Variants in MGST1 observed in about 807,000 individuals in gnomAD.
MGST1 encodes microsomal glutathione S-transferase 1.
In MGST1, 5 loss-of-function variants were observed where a neutral mutation model predicts 8.9. The observed-to-expected ratio is 0.56, with a 90% CI of 0.29 to 1.19. MGST1 has a LOEUF of 1.19. Ranked by LOEUF, MGST1 falls within the 50% of genes most tolerant of loss-of-function variation. The pLI, the probability that MGST1 is intolerant of heterozygous loss-of-function variation, is 0.08. For synonymous variants in MGST1, 54 were observed against 67.8 expected (o/e 0.80, Z 1.00); for missense variants, 182 against 187.4 (o/e 0.97, Z 0.17).
At chr12:16,514,338 C>T (rs923766188) in intron 4 of MGST1, 8 of 300,630 alleles carry the variant, frequency 2.7e-5, no homozygotes, top group Middle Eastern at 7.0e-4. Context: ...CCAACCCTCC[C>T]CTCAATGGGA....
At chr12:16,563,943 A>G (rs148835695) in intron 4 of MGST1, among the ~76,000 whole-genome samples, 3 of 152,258 alleles carry the variant, frequency 2.0e-5, no homozygotes, top group Non-Finnish European at 4.4e-5. Flanking sequence ...ATTTTTCCCT[A>G]TCATTTATGT....
intron 1 of MGST1, among the ~76,000 whole-genome samples, chr12:16,405,759 T>C (rs548198207): frequency 1.3e-5 from 2 of 152,100 alleles, no homozygotes; most frequent in Non-Finnish European, 1.5e-5. Flanking sequence ...TGGTCCAACA[T>C]ACACAAATCA....
At chr12:16,434,859 C>T (rs1053420559) in intron 1 of MGST1, among the ~76,000 whole-genome samples, 1 of 151,874 alleles carries the variant, frequency 6.6e-6, no homozygotes, top group Non-Finnish European at 1.5e-5. Context: ...GCCAAGATCA[C>T]ATTTGATATT....
rs1941517853 is a variant in MGST1, at chr12:16,503,292, A to AT, written n.483-86229dup. ...AAGACAGAACGGGTGGTCAAATAGC[A>AT]TTTTTTTCTACTTTTTCCCTCATTC... On this transcript the variant is annotated intron_variant and non_coding_transcript_variant, in intron 4 of 4. Transcript: ENST00000538857. The surrounding 1 kb of genome is among the most constrained non-coding windows in gnomAD (Gnocchi z 4.8). Among the ~76,000 whole-genome samples, 3 of 151,856 alleles carry AT rather than the reference A, an allele frequency of 2.0e-5. No individual in the cohort carries two copies. In the South Asian group the frequency reaches 6.2e-4, roughly 32 times the overall value.
chr12:16,592,691 G>T (rs1478078865), downstream of MGST1, among the ~76,000 whole-genome samples: 2 of 151,662 alleles, frequency 1.3e-5, no homozygotes, highest in African/African-American at 4.8e-5. Flanking sequence ...AAAAATAAGT[G>T]GTATGCTTAA....
rs562855815 is a variant in MGST1 at position 16,410,145 on chromosome 12, G to A, written n.778+26541G>A. On this transcript the variant is annotated intron_variant and non_coding_transcript_variant, in intron 1 of 1. Transcript: ENST00000359720. The surrounding 1 kb of genome is among the most constrained non-coding windows in gnomAD (Gnocchi z 4.4). The stretch of plus-strand genomic sequence containing the variant: ...TTTAAGTTTGTCAGGTTCAGCAAAT[G>A]TCACAGGGTCAAAGTGGTTATAGTG... 6.6e-6 allele frequency among the ~76,000 whole-genome samples: 1 copy of A among 152,214 alleles called. No individual in the cohort carries two copies. Among genetic ancestry groups the A allele is most frequent in the African/African-American group, 2.4e-5 (1 of 41,538 alleles).
chr12:16,402,388 A>T (rs909717751), intron 1 of MGST1: 2 of 1,604,640 alleles, frequency 1.2e-6, no homozygotes, highest in South Asian at 2.2e-5. Flanking sequence ...TCACTCACCG[A>T]TAATAAGCGT....
exon 4 of MGST1, chr12:16,376,138 A>T (rs1483009883): frequency 1.5e-6 from 2 of 1,307,986 alleles, no homozygotes; most frequent in Non-Finnish European, 2.1e-6. Context: ...ACAAACCCTG[A>T]GCATTTATCT....
chr12:16,388,838 A>C (rs1237320285), intron 1 of MGST1, among the ~76,000 whole-genome samples: 5 of 151,838 alleles, frequency 3.3e-5, no homozygotes, highest in African/African-American at 9.7e-5. Context: ...TTGAGTGGAG[A>C]CTCTTGTAAT....
chr12:16,556,174 A>AT (rs1418246987), intron 4 of MGST1, among the ~76,000 whole-genome samples: 1 of 152,082 alleles, frequency 6.6e-6, no homozygotes, highest in Non-Finnish European at 1.5e-5. Context: ...CAAGCTTTTT[A>AT]TTTTTCCTTT....
rs1366160128 is a variant in MGST1 at position 16,354,474 on chromosome 12, A to C, written c.126+96A>C. 4.1e-6 allele frequency: 5 copies of C among 1,217,922 alleles called. No individual in the cohort carries two copies. In the Admixed American group the frequency reaches 1.3e-4, roughly 31 times the overall value. The allele number at this position is 1,217,922 out of a possible 1,614,324, so 75.4% of individuals were successfully genotyped here. A position where few individuals can be genotyped will look rare whatever the true frequency, so the allele number is the denominator to read the frequency against. ...TCTTTTTTTATTTTTGGTAAAGCCC[A>C]ATAGCACACTGTTTTATGCTGTAAG... is the stretch of plus-strand genomic sequence containing the variant. On this transcript the variant is annotated intron_variant, in intron 2 of 3. Coordinates refer to ENST00000396210, the MANE Select transcript of MGST1 (RefSeq NM_020300.5).
chr12:16,507,825 C>T (rs1274695392), intron 4 of MGST1, among the ~76,000 whole-genome samples: 1 of 151,996 alleles, frequency 6.6e-6, no homozygotes, highest in African/African-American at 2.4e-5. Context: ...TCCCATTAGC[C>T]CCCTCCCCCA....
At chr12:16,403,500 G>C (rs1316812435) in intron 1 of MGST1, among the ~76,000 whole-genome samples, 1 of 151,958 alleles carries the variant, frequency 6.6e-6, no homozygotes, top group Non-Finnish European at 1.5e-5. Context: ...TGGCTATAAT[G>C]TTCTGTATGT....
chr12:16,434,573 A>T (rs1459566269), intron 1 of MGST1, among the ~76,000 whole-genome samples: 1 of 152,032 alleles, frequency 6.6e-6, no homozygotes, highest in Non-Finnish European at 1.5e-5. Context: ...TCCCTAGATG[A>T]TTCAAAGATT....
rs539228051 is a variant in MGST1 at position 16,387,587 on chromosome 12, G to C, written n.778+3983G>C. 2.6e-5 allele frequency among the ~76,000 whole-genome samples: 4 copies of C among 151,622 alleles called. No individual in the cohort carries two copies. In the East Asian group the frequency reaches 7.8e-4, roughly 30 times the overall value. On this transcript the variant is annotated intron_variant and non_coding_transcript_variant, in intron 1 of 1. Transcript: ENST00000359720. ...TGTTGCCCAGGCTGGAGTGCAGTGG[G>C]GCTATCTCGGCTCACTGCAAGCTCC...
chr12:16,552,460 AGGAGCAGTT>A (rs1942025728), intron 4 of MGST1, among the ~76,000 whole-genome samples: 1 of 152,082 alleles, frequency 6.6e-6, no homozygotes, highest in Admixed American at 6.6e-5. Context: ...GGTTTAAATG[AGGAGCAGTT>A]GGACTGATTT....
At chr12:16,514,928 G>T (rs1247573240) in intron 4 of MGST1, among the ~76,000 whole-genome samples, 1 of 152,192 alleles carries the variant, frequency 6.6e-6, no homozygotes, top group Non-Finnish European at 1.5e-5. Flanking sequence ...TTTTCTCAAA[G>T]AGTTTACATG....
Position 16,513,682 on chromosome 12 carries a change from C to A in MGST1, n.483-75846C>A, listed in dbSNP as rs144227603. On this transcript the variant is annotated intron_variant and non_coding_transcript_variant, in intron 4 of 4. Coordinates refer to the MGST1 transcript ENST00000538857. The surrounding 1 kb of genome is among the most constrained non-coding windows in gnomAD (Gnocchi z 4.2). Reference sequence around the variant, plus strand: ...GGACGAGGACTACCTCTCCATTGGGCGGCTGGCTGAATTTTGCAAGGCATC... The same window carrying A: ...GGACGAGGACTACCTCTCCATTGGGAGGCTGGCTGAATTTTGCAAGGCATC... 1 of 527,684 alleles carries A rather than the reference C, an allele frequency of 1.9e-6. No individual in the cohort carries two copies. The highest frequency in any genetic ancestry group is 1.5e-5 in the South Asian group (1 of 67,422). The allele number at this position is 527,684 out of a possible 1,614,324, so 32.7% of individuals were successfully genotyped here.
chr12:16,562,766 T>C (rs1336394575), intron 4 of MGST1, among the ~76,000 whole-genome samples: 1 of 152,204 alleles, frequency 6.6e-6, no homozygotes, highest in Non-Finnish European at 1.5e-5. Context: ...TTACAAGCTC[T>C]GGGTTAATAA....
Sources: gnomAD v4.1 joint callset for allele counts (sites outside exome capture counted in the v4.1 genomes callset) on GRCh38, gnomAD v4.1.1 for gene constraint, Gnocchi (gnomAD v3.1) non-coding constraint, MANE v1.5 for transcripts, NCBI Gene and HGNC (gene_info 2026-07-23, HGNC 2026-07-21) for gene names.